Variants in PPIA observed in about 807,000 individuals in gnomAD.
PPIA encodes the protein peptidyl-prolyl cis-trans isomerase A.
Under a neutral mutation model 15.3 loss-of-function variants are expected in PPIA, and 2 were observed. The ratio of observed to expected loss-of-function variants is 0.13; its 90% CI spans 0.05 to 0.41. PPIA has a LOEUF of 0.41. Among genes scored for constraint, PPIA ranks in the 10% least tolerant of loss-of-function variants. The pLI, the probability that PPIA is intolerant of heterozygous loss-of-function variation, is 0.99. For missense variants in PPIA, 103 were observed against 210.3 expected (o/e 0.49, Z 3.16); for synonymous variants, 67 against 73.1 (o/e 0.92, Z 0.43).
rs2116994652 is a variant in PPIA, at chr7:44,802,646, T to G, written c.*1224T>G. On this transcript the variant is annotated 3_prime_UTR_variant, in exon 5 of 5. Coordinates refer to ENST00000468812, the MANE Select transcript of PPIA (RefSeq NM_021130.5). ...GCGCAGACTACCTGCAGTGAGGAGG[T>G]ACTGCTTGTAGCATATAGAGCCTCT... The G allele has an allele frequency of 6.6e-6, 1 of 152,268 alleles. No homozygotes were observed. Among genetic ancestry groups the G allele is most frequent in the Admixed American group, 6.5e-5 (1 of 15,274 alleles). The allele number at this position is 152,268 out of a possible 1,614,324, so 9.4% of individuals were successfully genotyped here. A position where few individuals can be genotyped will look rare whatever the true frequency, so the allele number is the denominator to read the frequency against.
At chr7:44,796,880 G>A in intron 1 of PPIA, 87 bp downstream of exon 1, 4 of 1,411,332 alleles carry the variant, frequency 2.8e-6, no homozygotes, top group Non-Finnish European at 3.8e-6. Flanking sequence ...GCCCGGGCGC[G>A]GGGCGACCCT....
rs1471966872 is a variant in PPIA, at chr7:44,802,918, T to G, written c.*1496T>G. 6.6e-6 allele frequency: 1 copy of G among 152,204 alleles called. No individual in the cohort carries two copies. The highest frequency in any genetic ancestry group is 6.6e-5 in the Admixed American group (1 of 15,266). The allele number at this position is 152,204 out of a possible 1,614,324, so 9.4% of individuals were successfully genotyped here. On this transcript the variant is annotated 3_prime_UTR_variant, in exon 5 of 5. Transcript: ENST00000468812. ...TTGCCTATCCTAGAGGTGGCGGATT[T>G]GATCATTTGGTGTGTTGGGCAATTT...
rs570566342 is a variant in PPIA, at chr7:44,796,939, G to A, written c.69+146G>A. 2,414 of 887,202 alleles carry A rather than the reference G, an allele frequency of 2.7e-3. 5 individuals carry two copies. The highest frequency in any genetic ancestry group is 3.5e-3 in the Non-Finnish European group (2,151 of 617,322). 55.0% of individuals were successfully genotyped at this position (887,202 alleles called of 1,614,324 possible). A position where few individuals can be genotyped will look rare whatever the true frequency, so the allele number is the denominator to read the frequency against. ...GCTGCGGCGCCATTTCCTGACGAGG[G>A]GCCATTTTGGGAGGTCCGCGAGTCG... On this transcript the variant is annotated intron_variant, in intron 1 of 4. Transcript: ENST00000468812.
rs1276615499 is a variant in PPIA at position 44,801,152 on chromosome 7, A to C, written c.363-135A>C. 2.8e-6 allele frequency: 3 copies of C among 1,070,294 alleles called. No homozygotes were observed. In the African/African-American group the frequency reaches 4.8e-5, roughly 17 times the overall value. 66.3% of individuals were successfully genotyped at this position (1,070,294 alleles called of 1,614,324 possible). A position where few individuals can be genotyped will look rare whatever the true frequency, so the allele number is the denominator to read the frequency against. On this transcript the variant is annotated intron_variant, in intron 4 of 4. Transcript: ENST00000468812. ...ACTCTTTAATGGTAATTGGAGAATC[A>C]TGTTTAATGACATTTAGTACAAAAG...
At chr7:44,799,334 T>G in intron 2 of PPIA, 57 bp downstream of exon 2, 2 of 1,604,684 alleles carry the variant, frequency 1.2e-6, no homozygotes, top group Non-Finnish European at 1.7e-6. Flanking sequence ...TTTGTGTGTG[T>G]GTGTGTATAT....
chr7:44,797,527 GC>G (rs1485262790), intron 1 of PPIA, among the ~76,000 whole-genome samples: 12 of 152,142 alleles, frequency 7.9e-5, no homozygotes, highest in African/African-American at 2.7e-4. Context: ...CAGTGACGGC[GC>G]TGGCGGGGGA....
intron 4 of PPIA, among the ~76,000 whole-genome samples, 195 bp from the exon 5 acceptor site, chr7:44,801,092 C>T (rs939993863): frequency 3.3e-5 from 5 of 151,820 alleles, no homozygotes; most frequent in African/African-American, 1.2e-4. Flanking sequence ...GCTGGGATTA[C>T]AGGCGTGAGC....
intron 1 of PPIA, chr7:44,798,868 G>A (rs1317475325): frequency 2.9e-6 from 3 of 1,026,494 alleles, no homozygotes; most frequent in African/African-American, 1.7e-5. Flanking sequence ...ACCCCTGATC[G>A]TGCAGCAGTG....
At chr7:44,797,741 AC>A (rs1344440166) in intron 1 of PPIA, among the ~76,000 whole-genome samples, 1 of 152,224 alleles carries the variant, frequency 6.6e-6, no homozygotes, top group African/African-American at 2.4e-5. Context: ...AATATTGAGT[AC>A]GATTCCGTTC....
chr7:44,801,440 T>A lies in PPIA; in HGVS notation c.*18T>A. The A allele has an allele frequency of 2.7e-6, 4 of 1,505,400 alleles. No individual in the cohort carries two copies. Among genetic ancestry groups the A allele is most frequent in the South Asian group, 1.1e-5 (1 of 88,912 alleles). 93.3% of individuals were successfully genotyped at this position (1,505,400 alleles called of 1,614,324 possible). On this transcript the variant is annotated 3_prime_UTR_variant, in exon 5 of 5. Coordinates refer to ENST00000468812, the MANE Select transcript of PPIA (RefSeq NM_021130.5). ...TCGAATAAGTTTGACTTGTGTTTTA[T>A]CTTAACCACCAGATCATTCCTTCTG...
rs1007238452 is a variant in PPIA at position 44,802,356 on chromosome 7, C to T, written c.*934C>T. ...TATAGATGGGGTTTCATCATTTTGACCAGGCTGGTCTCAAACTCTTGACCT... is the reference window on the plus strand; with the variant it reads ...TATAGATGGGGTTTCATCATTTTGATCAGGCTGGTCTCAAACTCTTGACCT... On this transcript the variant is annotated 3_prime_UTR_variant, in exon 5 of 5. Coordinates refer to ENST00000468812, the MANE Select transcript of PPIA (RefSeq NM_021130.5). 1 of 151,950 alleles carries T rather than the reference C, an allele frequency of 6.6e-6. No individual in the cohort carries two copies. Among genetic ancestry groups the T allele is most frequent in the African/African-American group, 2.4e-5 (1 of 41,350 alleles). The allele number at this position is 151,950 out of a possible 1,614,324, so 9.4% of individuals were successfully genotyped here.
At chr7:44,797,985 C>CA (rs1398854344) in intron 1 of PPIA, 2 of 152,188 alleles carry the variant, frequency 1.3e-5, no homozygotes, top group Non-Finnish European at 2.9e-5. Flanking sequence ...CCCCACCCCA[C>CA]CTATGAGTGT....
chr7:44,801,052 C>T (rs905144598), intron 4 of PPIA, among the ~76,000 whole-genome samples: 10 of 151,540 alleles, frequency 6.6e-5, no homozygotes, highest in Non-Finnish European at 2.9e-5. Flanking sequence ...CTCCTGACCT[C>T]GTGATCCGCC....
In PPIA at chr7:44,799,801, A is replaced by G. The variant is rs1444591851; in HGVS notation, c.289A>G (p.Ile97Val). 1.9e-6 allele frequency: 3 copies of G among 1,613,818 alleles called. No homozygotes were observed. Among genetic ancestry groups the G allele is most frequent in the East Asian group, 2.2e-5 (1 of 44,886 alleles). Residue 97 changes from isoleucine to valine, a missense_variant, in exon 4 of 5, where the codon ATC becomes GTC. Coordinates refer to ENST00000468812, the MANE Select transcript of PPIA (RefSeq NM_021130.5). Reference protein sequence around the residue: ...NFILKHTGPGILSMANAGPNT... With the variant: ...NFILKHTGPGVLSMANAGPNT... Reference sequence around the variant, plus strand: ...CATCCTAAAGCATACGGGTCCTGGCATCTTGTCCATGGCAAATGCTGGACC... The same window carrying G: ...CATCCTAAAGCATACGGGTCCTGGCGTCTTGTCCATGGCAAATGCTGGACC...
intron 4 of PPIA, chr7:44,800,101 C>A: frequency 1.8e-6 from 1 of 547,612 alleles, no homozygotes; most frequent in Admixed American, 3.2e-5. Flanking sequence ...TTAGGTGCTA[C>A]TTTTTTGAGA....
intron 4 of PPIA, chr7:44,800,116 GTT>G: frequency 2.0e-6 from 1 of 504,200 alleles, no homozygotes; most frequent in Non-Finnish European, 3.6e-6. Flanking sequence ...TTGAGATGGA[GTT>G]TTGCTCTGTT....
chr7:44,801,618 CTAAA>C lies in PPIA; in HGVS notation c.*200_*203del, dbSNP rs1166866454. On this transcript the variant is annotated 3_prime_UTR_variant, in exon 5 of 5. Coordinates refer to ENST00000468812, the MANE Select transcript of PPIA (RefSeq NM_021130.5). Reference sequence around the variant, plus strand: ...TAAGTTTATGATTATGAAATAAAAACTAAATAACAATTGTCCTCGTTTGAGTTAA... The same window carrying C: ...TAAGTTTATGATTATGAAATAAAAACTAACAATTGTCCTCGTTTGAGTTAA... 26 of 515,874 alleles carry C rather than the reference CTAAA, an allele frequency of 5.0e-5. No homozygotes were observed. The highest frequency in any genetic ancestry group is 1.8e-4 in the Admixed American group (5 of 27,926). 32.0% of individuals were successfully genotyped at this position (515,874 alleles called of 1,614,324 possible). A position where few individuals can be genotyped will look rare whatever the true frequency, so the allele number is the denominator to read the frequency against.
chr7:44,801,429 C>T lies in PPIA; in HGVS notation c.*7C>T, dbSNP rs756729147. Reference sequence around the variant, plus strand: ...CTGTGGACAACTCGAATAAGTTTGACTTGTGTTTTATCTTAACCACCAGAT... The same window carrying T: ...CTGTGGACAACTCGAATAAGTTTGATTTGTGTTTTATCTTAACCACCAGAT... On this transcript the variant is annotated 3_prime_UTR_variant, in exon 5 of 5. Coordinates refer to ENST00000468812, the MANE Select transcript of PPIA (RefSeq NM_021130.5). The T allele has an allele frequency of 1.6e-5, 25 of 1,526,476 alleles. No individual in the cohort carries two copies. The highest frequency in any genetic ancestry group is 2.1e-5 in the Non-Finnish European group (23 of 1,112,446). The allele number at this position is 1,526,476 out of a possible 1,614,324, so 94.6% of individuals were successfully genotyped here. A position where few individuals can be genotyped will look rare whatever the true frequency, so the allele number is the denominator to read the frequency against.
rs17860082 is a variant in PPIA at position 44,801,247 on chromosome 7, TTG to T, written c.363-37_363-36del. 13 of 1,608,856 alleles carry T rather than the reference TTG, an allele frequency of 8.1e-6. No homozygotes were observed. The East Asian group carries it at 2.7e-4, about 33-fold the overall frequency. ...TTCATGACACATGGAGGCTGCTTGT[TTG>T]TGGTTGCCAGTCATAGTGATTGTTC... On this transcript the variant is annotated intron_variant, in intron 4 of 4. Transcript: ENST00000468812.
Sources: allele counts gnomAD v4.1 joint callset (sites outside exome capture counted in the v4.1 genomes callset), GRCh38; gene constraint gnomAD v4.1.1; transcripts MANE v1.5; gene names NCBI Gene and HGNC (gene_info 2026-07-23, HGNC 2026-07-21).